The following PDZRN4 variants were observed in gnomAD, a reference collection of about 807,000 sequenced individuals.
PDZRN4 encodes PDZ domain-containing RING finger protein 4.
A neutral mutation model predicts 99.0 loss-of-function variants in PDZRN4; 70 were observed. That is an observed-to-expected ratio of 0.71 (90% confidence interval 0.58 to 0.86). PDZRN4 has a LOEUF of 0.86. PDZRN4 is among the 40% of genes least tolerant of loss of function. PDZRN4 has a pLI of 0.00. For missense variants in PDZRN4, 1,474 were observed against 1,331.2 expected, an observed-to-expected ratio of 1.11 and a Z score of -1.67; for synonymous variants, 551 against 501.6, an observed-to-expected ratio of 1.10 and a Z score of -1.32.
chr12:41,193,069 G>T (rs937889902), intron 2 of PDZRN4, among the ~76,000 whole-genome samples: 2 of 152,228 alleles, frequency 1.3e-5, no homozygotes, highest in African/African-American at 4.8e-5. Flanking sequence ...AAGGATGGCA[G>T]TGACATATTT....
Position 41,572,613 on chromosome 12 carries a change from A to T in PDZRN4, c.1834A>T (p.Ile612Phe). 6.2e-7 allele frequency: 1 copy of T among 1,614,186 alleles called. No individual in the cohort carries two copies. The highest frequency in any genetic ancestry group is 8.5e-7 in the Non-Finnish European group (1 of 1,180,020). ...TGAGAGCCTCGTATCTGGTGAATAC[A>T]TTGACTCAGACTGCATTGGCAACCC... ...YNESLVSGEYIDSDCIGNPDE... is the reference protein window; with the variant it reads ...YNESLVSGEYFDSDCIGNPDE... Residue 612 changes from isoleucine to phenylalanine, a missense_variant, in exon 10 of 10, where the codon ATT becomes TTT. By Grantham distance (21) the Ile-to-Phe change is conservative. Coordinates refer to ENST00000402685, the MANE Select transcript of PDZRN4 (RefSeq NM_001164595.2).
At chr12:41,413,112 T>C (rs953779162) in intron 3 of PDZRN4, 5 of 149,786 alleles carry the variant, frequency 3.3e-5, no homozygotes, top group African/African-American at 1.2e-4. Context: ...AGAATAGTCA[T>C]AGCTAGATGT....
At chr12:41,432,938 A>G (rs73276136) in intron 3 of PDZRN4, among the ~76,000 whole-genome samples, 62 of 152,322 alleles carry the variant, frequency 4.1e-4, no homozygotes, top group African/African-American at 1.5e-3. Flanking sequence ...TGCAGAACTA[A>G]GGAATTCAGG....
intron 3 of PDZRN4, among the ~76,000 whole-genome samples, chr12:41,374,526 GT>G (rs1410747139): frequency 6.6e-6 from 1 of 152,152 alleles, no homozygotes; most frequent in Non-Finnish European, 1.5e-5. Context: ...ATCAGCAAGG[GT>G]TTCAGAGAAG....
chr12:41,555,220 G>C (rs1482746004), intron 6 of PDZRN4, among the ~76,000 whole-genome samples: 1 of 22,668 alleles, frequency 4.4e-5, no homozygotes, highest in Non-Finnish European at 1.1e-4. Flanking sequence ...GACAGAGCCA[G>C]ACTCTGTCTC....
At chr12:41,336,429 A>G (rs1026676094) in intron 3 of PDZRN4, among the ~76,000 whole-genome samples, 1 of 152,132 alleles carries the variant, frequency 6.6e-6, no homozygotes, top group African/African-American at 2.4e-5. Flanking sequence ...ATTTCTTCCC[A>G]GAATATAGTT....
At chr12:41,189,201 C>T (rs970818408) in intron 1 of PDZRN4, 98 bp downstream of exon 1, 1 of 1,148,518 alleles carries the variant, frequency 8.7e-7, no homozygotes, top group African/African-American at 1.5e-5. Context: ...AATTGGGCAT[C>T]CTTCCTCACT....
At chr12:41,264,195 A>T (rs1284576513) in intron 3 of PDZRN4, among the ~76,000 whole-genome samples, 1 of 152,202 alleles carries the variant, frequency 6.6e-6, no homozygotes, top group Non-Finnish European at 1.5e-5. Flanking sequence ...AATAATGAAA[A>T]CATTGTATTG....
At chr12:41,425,132 A>T (rs139868658) in intron 3 of PDZRN4, among the ~76,000 whole-genome samples, 1 of 152,300 alleles carries the variant, frequency 6.6e-6, no homozygotes, top group African/African-American at 2.4e-5. Context: ...AAAACGATCA[A>T]TTTTAAATAA....
intron 3 of PDZRN4, among the ~76,000 whole-genome samples, chr12:41,348,909 A>G (rs1172853713): frequency 6.6e-6 from 1 of 152,052 alleles, no homozygotes; most frequent in African/African-American, 2.4e-5. Flanking sequence ...TGTAAAAGCT[A>G]TTAAAATGTC....
At chr12:41,257,542 T>C (rs79255029) in intron 3 of PDZRN4, among the ~76,000 whole-genome samples, 1 of 152,144 alleles carries the variant, frequency 6.6e-6, no homozygotes, top group Non-Finnish European at 1.5e-5. Context: ...AGCCCTGGAA[T>C]AGACCTTAGA....
intron 3 of PDZRN4, among the ~76,000 whole-genome samples, chr12:41,417,324 AT>A (rs1179952620): frequency 1.3e-5 from 2 of 152,226 alleles, no homozygotes; most frequent in African/African-American, 4.8e-5. Context: ...GCCAGAGAAA[AT>A]TTGGTAAGTG....
chr12:41,218,969 A>G (rs1165920766), intron 3 of PDZRN4, among the ~76,000 whole-genome samples: 2 of 152,078 alleles, frequency 1.3e-5, no homozygotes, highest in Admixed American at 1.3e-4. Context: ...TTTACTAGGA[A>G]TATTATTGTT....
intron 3 of PDZRN4, among the ~76,000 whole-genome samples, chr12:41,226,834 G>A (rs1304241333): frequency 2.0e-5 from 3 of 152,084 alleles, no homozygotes; most frequent in African/African-American, 7.2e-5. Context: ...TCATAATATT[G>A]AGCTGTGACT....
At chr12:41,240,231 C>T (rs1951093559) in intron 3 of PDZRN4, among the ~76,000 whole-genome samples, 1 of 152,018 alleles carries the variant, frequency 6.6e-6, no homozygotes, top group Non-Finnish European at 1.5e-5. Flanking sequence ...AGGGTGATTT[C>T]CTTAATATTT....
At chr12:41,466,284 T>G (rs770066457) in intron 3 of PDZRN4, among the ~76,000 whole-genome samples, 2 of 152,148 alleles carry the variant, frequency 1.3e-5, no homozygotes, top group Non-Finnish European at 2.9e-5. Flanking sequence ...CTCCTCATGA[T>G]CCCTGTTATA....
chr12:41,410,793 C>G (rs1372983946), intron 3 of PDZRN4, among the ~76,000 whole-genome samples: 4 of 152,138 alleles, frequency 2.6e-5, no homozygotes, highest in African/African-American at 9.7e-5. Context: ...AATGCCTTTT[C>G]TCACCGTTGG....
At position 41,477,852 on chromosome 12, in the gene PDZRN4, T is replaced by C. The variant is rs1219605666; in HGVS notation, c.844-28604T>C. On this transcript the variant is annotated intron_variant, in intron 3 of 9. Transcript: ENST00000402685. Reference sequence around the variant, plus strand: ...TGAAATGCTTATCTTTGGATTTTTCTTGCATTTTTCAGGTAAGAGACAATT... The same window carrying C: ...TGAAATGCTTATCTTTGGATTTTTCCTGCATTTTTCAGGTAAGAGACAATT... The C allele has an allele frequency of 2.0e-6, 3 of 1,518,872 alleles. No homozygotes were observed. In the African/African-American group the frequency reaches 4.1e-5, roughly 21 times the overall value. The allele number at this position is 1,518,872 out of a possible 1,614,324, so 94.1% of individuals were successfully genotyped here. A position where few individuals can be genotyped will look rare whatever the true frequency, so the allele number is the denominator to read the frequency against.
chr12:41,373,622 GC>G (rs1220172383), intron 3 of PDZRN4, among the ~76,000 whole-genome samples: 1 of 152,044 alleles, frequency 6.6e-6, no homozygotes, highest in Non-Finnish European at 1.5e-5. Flanking sequence ...TTTTCAAGAT[GC>G]CCAGATTTCA....
Sources: gnomAD v4.1 joint callset for allele counts (sites outside exome capture counted in the v4.1 genomes callset) on GRCh38, gnomAD v4.1.1 for gene constraint, MANE v1.5 for transcripts, NCBI Gene and HGNC (gene_info 2026-07-23, HGNC 2026-07-21) for gene names.